CUEDC1: variants seen among roughly 807,000 people sequenced by gnomAD.
CUEDC1 encodes CUE domain-containing protein 1.
A neutral mutation model predicts 43.7 loss-of-function variants in CUEDC1; 30 were observed. The observed-to-expected ratio is 0.69, with a 90% CI of 0.51 to 0.93. The LOEUF (loss-of-function observed/expected upper bound fraction) is 0.93, where lower values mean the gene tolerates loss of function less well. CUEDC1 is among the 40% of genes least tolerant of loss of function. CUEDC1 has a pLI of 0.00. For synonymous variants in CUEDC1, 223 were observed against 223.6 expected, an observed-to-expected ratio of 1.00 and a Z score of 0.02; for missense variants, 486 against 549.0, an observed-to-expected ratio of 0.89 and a Z score of 1.15.
At chr17:57,867,665 G>A in intron 8 of CUEDC1, 1 of 574,326 alleles carries the variant, frequency 1.7e-6, no homozygotes, top group Non-Finnish European at 3.1e-6. Flanking sequence ...GTTTCCCTCT[G>A]GCTGCTGAGC....
At chr17:57,927,610 C>G (rs1049054794) in intron 1 of CUEDC1, among the ~76,000 whole-genome samples, 1 of 152,132 alleles carries the variant, frequency 6.6e-6, no homozygotes, top group Admixed American at 6.5e-5. Flanking sequence ...TTCTAGGAGC[C>G]CTGCTCCAAA....
In CUEDC1 at chr17:57,879,626, G is replaced by A. The variant is rs374641282; in HGVS notation, c.449C>T (p.Pro150Leu). ...VFDRPYPLAP[P>L]TPPPRIDALG... ...AGATTCTCACCGGGGAGGCGGAGTC[G>A]GGGGAGCCAGAGGGTAGGGCCGGTC... The change falls in exon 3 of 11, where the codon CCG becomes CTG. Residue 150 changes from proline (P) to leucine (L), a missense_variant. Transcript: ENST00000577830. 25 of 1,592,590 alleles carry A rather than the reference G, an allele frequency of 1.6e-5. 1 individual carries two copies. The highest frequency in any genetic ancestry group is 9.3e-5 in the East Asian group (4 of 43,174).
intron 1 of CUEDC1, among the ~76,000 whole-genome samples, chr17:57,931,558 G>A (rs747341830): frequency 1.3e-5 from 2 of 152,128 alleles, no homozygotes; most frequent in African/African-American, 2.4e-5. Flanking sequence ...TGCAGTGGGG[G>A]GAAAGAGAGT....
chr17:57,938,404 A>G (rs2074882028), intron 1 of CUEDC1, among the ~76,000 whole-genome samples: 3 of 151,984 alleles, frequency 2.0e-5, no homozygotes, highest in Non-Finnish European at 2.9e-5. Context: ...CTTCCAACAA[A>G]CAGCTCGCCT....
intron 3 of CUEDC1, among the ~76,000 whole-genome samples, chr17:57,877,579 A>AG (rs1289623445): frequency 5.5e-5 from 2 of 36,588 alleles, no homozygotes; most frequent in Admixed American, 2.2e-4. Flanking sequence ...TTGGAATATT[A>AG]AAAAAAAAAA....
At chr17:57,926,995 G>T (rs1295802981) in intron 1 of CUEDC1, among the ~76,000 whole-genome samples, 1 of 152,206 alleles carries the variant, frequency 6.6e-6, no homozygotes, top group Non-Finnish European at 1.5e-5. Context: ...CTCTGAGAAA[G>T]AGGCCCAGAT....
chr17:57,882,913 T>C lies in CUEDC1; in HGVS notation c.336+2316A>G, dbSNP rs2074233990. On this transcript the variant is annotated intron_variant, in intron 2 of 10. Coordinates refer to ENST00000577830, the MANE Select transcript of CUEDC1 (RefSeq NM_001271875.2). Reference sequence around the variant, plus strand: ...TTAAGGCTTGAGGTCAACGATAGGCTATTAGCAGTCAATTTCTGGGAAAAT... The same window carrying C: ...TTAAGGCTTGAGGTCAACGATAGGCCATTAGCAGTCAATTTCTGGGAAAAT... 2.0e-5 allele frequency among the ~76,000 whole-genome samples: 3 copies of C among 152,208 alleles called. 1 individual carries two copies. Among genetic ancestry groups the C allele is most frequent in the African/African-American group, 7.2e-5 (3 of 41,452 alleles).
In CUEDC1 at chr17:57,873,801, CAGG is replaced by C; in HGVS notation, c.465-87_465-85del. The stretch of plus-strand genomic sequence containing the variant: ...GGCCCCATCACACCAGGTCCTCAGG[CAGG>C]TCGGATCCTGCTCAGAGATTCCCAT... On this transcript the variant is annotated intron_variant, in intron 3 of 10. Transcript: ENST00000577830. The C allele has an allele frequency of 2.2e-6, 3 of 1,384,788 alleles. No individual in the cohort carries two copies. In the South Asian group the frequency reaches 4.8e-5, roughly 22 times the overall value. 85.8% of individuals were successfully genotyped at this position (1,384,788 alleles called of 1,614,324 possible).
intron 6 of CUEDC1, among the ~76,000 whole-genome samples, chr17:57,870,655 G>A (rs1438104088): frequency 1.3e-5 from 2 of 150,878 alleles, no homozygotes; most frequent in Admixed American, 6.6e-5. Flanking sequence ...GCCCCACCAC[G>A]GGGCATTTTG....
chr17:57,861,722 A>C lies in CUEDC1; in HGVS notation c.*1567T>G, dbSNP rs2073875357. On this transcript the variant is annotated 3_prime_UTR_variant, in exon 11 of 11. Coordinates refer to ENST00000577830, the MANE Select transcript of CUEDC1 (RefSeq NM_001271875.2). ...CAGACATGGGGCTGGGGCTTCCCCC[A>C]CAGTGCGCCGGGTCCTGGCGCGGGG... The C allele has an allele frequency of 6.6e-6, 1 of 152,166 alleles. No individual in the cohort carries two copies. Among genetic ancestry groups the C allele is most frequent in the Non-Finnish European group, 1.5e-5 (1 of 68,026 alleles). The allele number at this position is 152,166 out of a possible 1,614,324, so 9.4% of individuals were successfully genotyped here.
Position 57,886,785 on chromosome 17 carries a change from T to C in CUEDC1, c.-315-906A>G, listed in dbSNP as rs112975373. Among the ~76,000 whole-genome samples, 690 of 152,198 alleles carry C rather than the reference T, an allele frequency of 4.5e-3. 6 individuals are homozygous for C. Among genetic ancestry groups the C allele is most frequent in the African/African-American group, 0.015 (632 of 41,528 alleles). On this transcript the variant is annotated intron_variant, in intron 1 of 10. Transcript: ENST00000577830. ...CTAGAAGTTTTTTCTCAAAGTTGTC[T>C]TGAGAAACCATATACATCATAAATT...
chr17:57,881,997 T>G (rs1283762181), intron 2 of CUEDC1, among the ~76,000 whole-genome samples: 1 of 152,156 alleles, frequency 6.6e-6, no homozygotes, highest in Non-Finnish European at 1.5e-5. Context: ...ACAAAGAGGT[T>G]GTTCTTCTGG....
At position 57,869,212 on chromosome 17, in the gene CUEDC1, T is replaced by G. The variant is rs769511161; in HGVS notation, c.869-19A>C. 6.2e-7 allele frequency: 1 copy of G among 1,611,628 alleles called. No homozygotes were observed. Among genetic ancestry groups the G allele is most frequent in the Non-Finnish European group, 8.5e-7 (1 of 1,178,832 alleles). ...CCAGTTCCTGGAAGGAGACACCTGC[T>G]GAAGGCCGGCCACCGTGGCCAGCCA... On this transcript the variant is annotated intron_variant, in intron 6 of 10. Transcript: ENST00000577830.
intron 3 of CUEDC1, 110 bp from the exon 4 acceptor site, chr17:57,873,827 C>T: frequency 8.6e-7 from 1 of 1,167,028 alleles, no homozygotes; most frequent in East Asian, 2.8e-5. Context: ...CAGAGATTCC[C>T]ATGGCCTCCA....
At chr17:57,926,356 T>C (rs958001177) in intron 1 of CUEDC1, among the ~76,000 whole-genome samples, 1 of 152,048 alleles carries the variant, frequency 6.6e-6, no homozygotes, top group African/African-American at 2.4e-5. Context: ...GGAAAGAGCA[T>C]TGGCCTAGCA....
chr17:57,866,874 C>T (rs951273771), intron 9 of CUEDC1: 10 of 371,560 alleles, frequency 2.7e-5, no homozygotes, highest in Admixed American at 1.6e-4. Context: ...TTTCTGGATG[C>T]CTCCTGACCC....
At chr17:57,867,651 C>A in intron 8 of CUEDC1, 1 of 579,572 alleles carries the variant, frequency 1.7e-6, no homozygotes, top group South Asian at 2.1e-5. Flanking sequence ...ACAGCTTCCT[C>A]CCTGTTTCCC....
intron 1 of CUEDC1, among the ~76,000 whole-genome samples, chr17:57,948,430 C>G (rs2074977445): frequency 6.6e-6 from 1 of 152,160 alleles, no homozygotes; most frequent in South Asian, 2.1e-4. Flanking sequence ...TGGCCCAGAG[C>G]TGTTGGGCAG....
intron 6 of CUEDC1, 50 bp from the exon 7 acceptor site, chr17:57,869,243 G>T: frequency 6.6e-7 from 1 of 1,516,718 alleles, no homozygotes; most frequent in South Asian, 1.1e-5. Flanking sequence ...AGCCATGGCC[G>T]CTGTCCCAGC....
Sources: allele counts gnomAD v4.1 joint callset (sites outside exome capture counted in the v4.1 genomes callset), GRCh38; gene constraint gnomAD v4.1.1; transcripts MANE v1.5; gene names NCBI Gene and HGNC (gene_info 2026-07-23, HGNC 2026-07-21).